The following NFIA variants were observed in gnomAD, a reference collection of about 807,000 sequenced individuals.
NFIA encodes nuclear factor I A, also known as nuclear factor 1 A-type.
NFIA carries 8 observed loss-of-function variants against 62.8 expected under a neutral mutation model. The observed-to-expected ratio is 0.13, with a 90% CI of 0.07 to 0.23. NFIA has a LOEUF of 0.23. Among genes scored for constraint, NFIA ranks in the 10% least tolerant of loss-of-function variants. The pLI is 1.00. For missense variants in NFIA, 410 were observed against 642.1 expected (o/e 0.64, Z 3.91); for synonymous variants, 235 against 238.1 (o/e 0.99, Z 0.12).
chr1:61,316,591 G>A (rs527340248), intron 3 of NFIA, among the ~76,000 whole-genome samples: 5 of 152,274 alleles, frequency 3.3e-5, no homozygotes, highest in East Asian at 1.9e-4. Context: ...ATTCCCCTCC[G>A]AATGCTGATA....
At chr1:61,097,321 A>G (rs1463991576) in intron 2 of NFIA, among the ~76,000 whole-genome samples, 1 of 152,184 alleles carries the variant, frequency 6.6e-6, no homozygotes, top group Non-Finnish European at 1.5e-5. Flanking sequence ...TTAAATGGCT[A>G]TTGCTGTAGT....
intron 2 of NFIA, among the ~76,000 whole-genome samples, chr1:61,227,197 G>A (rs1232504209): frequency 1.3e-5 from 2 of 152,184 alleles, no homozygotes; most frequent in Non-Finnish European, 2.9e-5. Context: ...AGGGTTTTGT[G>A]ATTCTGGTTT....
intron 2 of NFIA, among the ~76,000 whole-genome samples, chr1:61,164,329 A>C (rs1415219987): frequency 1.3e-5 from 2 of 152,204 alleles, no homozygotes; most frequent in East Asian, 3.8e-4. Context: ...AGGAAAGTGA[A>C]AACTTTTCCA....
At chr1:61,270,536 C>G (rs558135989) in intron 2 of NFIA, among the ~76,000 whole-genome samples, 1 of 152,250 alleles carries the variant, frequency 6.6e-6, no homozygotes, top group African/African-American at 2.4e-5. Context: ...GATTATAACT[C>G]AATTATCCTT....
At chr1:61,396,388 G>T (rs991268008) in intron 7 of NFIA, among the ~76,000 whole-genome samples, 4 of 151,924 alleles carry the variant, frequency 2.6e-5, no homozygotes, top group African/African-American at 9.7e-5. Context: ...GGAATTACAG[G>T]CACCTGCCAC....
chr1:61,121,632 A>G (rs1040218500), intron 2 of NFIA, among the ~76,000 whole-genome samples: 8 of 152,184 alleles, frequency 5.3e-5, no homozygotes, highest in African/African-American at 1.9e-4. Context: ...CCATAGGTAG[A>G]TGTGTAACAT....
intron 3 of NFIA, among the ~76,000 whole-genome samples, chr1:61,300,797 C>T (rs1255142471): frequency 6.6e-6 from 1 of 151,870 alleles, no homozygotes; most frequent in Admixed American, 6.6e-5. Flanking sequence ...GAGGTACATA[C>T]ACATGTATAA....
At chr1:61,345,681 C>T (rs910378469) in intron 4 of NFIA, among the ~76,000 whole-genome samples, 12 of 152,270 alleles carry the variant, frequency 7.9e-5, no homozygotes, top group South Asian at 2.1e-4. Context: ...GTGAACTGCA[C>T]GTGCGAAGGA....
At chr1:61,451,897 A>G (rs1668074597) in intron 10 of NFIA, among the ~76,000 whole-genome samples, 1 of 152,202 alleles carries the variant, frequency 6.6e-6, no homozygotes, top group Non-Finnish European at 1.5e-5. Context: ...ATGTCTGAGG[A>G]TAGTTTTTGT....
chr1:61,226,478 C>G (rs1443196668), intron 2 of NFIA, among the ~76,000 whole-genome samples: 4 of 152,096 alleles, frequency 2.6e-5, no homozygotes, highest in African/African-American at 7.2e-5. Context: ...GCAGCCATCC[C>G]TAAACTTCAC....
At chr1:61,152,992 G>C (rs1293009803) in intron 2 of NFIA, among the ~76,000 whole-genome samples, 1 of 152,130 alleles carries the variant, frequency 6.6e-6, no homozygotes, top group Non-Finnish European at 1.5e-5. Context: ...CAGGGTGAGA[G>C]TCAGGAAATT....
At chr1:61,142,221 A>ACTGCAATT in intron 2 of NFIA, among the ~76,000 whole-genome samples, 1 of 152,320 alleles carries the variant, frequency 6.6e-6, no homozygotes, top group Non-Finnish European at 1.5e-5. Flanking sequence ...AACTAAAAAG[A>ACTGCAATT]CTGCAATTTC....
chr1:61,082,140 C>T (rs191948487), upstream of NFIA: 11 of 1,014,986 alleles, frequency 1.1e-5, no homozygotes, highest in East Asian at 7.3e-5. Context: ...CTATAGCTGC[C>T]CGGGAGTACA....
intron 2 of NFIA, among the ~76,000 whole-genome samples, chr1:61,192,348 T>G (rs2100576891): frequency 6.6e-6 from 1 of 152,308 alleles, no homozygotes; most frequent in Middle Eastern, 3.4e-3. Context: ...TTCTTTAGTC[T>G]TCTAAATTAG....
intron 5 of NFIA, among the ~76,000 whole-genome samples, chr1:61,358,468 C>A (rs1663096546): frequency 7.2e-6 from 1 of 139,488 alleles, no homozygotes; most frequent in Non-Finnish European, 1.5e-5. Flanking sequence ...CTCACTGCAA[C>A]CTCCACCTCT....
At chr1:61,164,896 CCCT>C (rs1649468671) in intron 2 of NFIA, among the ~76,000 whole-genome samples, 1 of 152,118 alleles carries the variant, frequency 6.6e-6, no homozygotes. Context: ...GACCTGAAGA[CCCT>C]GTGGCCTGCA....
At chr1:61,398,964 T>C (rs905544811) in intron 7 of NFIA, among the ~76,000 whole-genome samples, 3 of 152,216 alleles carry the variant, frequency 2.0e-5, no homozygotes, top group African/African-American at 4.8e-5. Context: ...TTTACCCTTA[T>C]GGAAAGCTTC....
intron 2 of NFIA, among the ~76,000 whole-genome samples, chr1:61,270,508 A>G (rs1000279643): frequency 3.9e-5 from 6 of 152,352 alleles, no homozygotes; most frequent in South Asian, 2.1e-4. Flanking sequence ...ATCCAGGTAC[A>G]TGAAAATAAT....
At chr1:61,119,632 CTT>C (rs1337718675) in intron 2 of NFIA, among the ~76,000 whole-genome samples, 1 of 152,128 alleles carries the variant, frequency 6.6e-6, no homozygotes, top group Non-Finnish European at 1.5e-5. Context: ...ACTAAAGAAA[CTT>C]TAAAATTTGA....
Sources: allele counts gnomAD v4.1 joint callset (sites outside exome capture counted in the v4.1 genomes callset), GRCh38; gene constraint gnomAD v4.1.1; transcripts MANE v1.5; gene names NCBI Gene and HGNC (gene_info 2026-07-23, HGNC 2026-07-21).